The following GRIK2 variants were observed in gnomAD, a reference collection of about 807,000 sequenced individuals.
GRIK2 encodes the protein glutamate receptor ionotropic, kainate 2.
Under a neutral mutation model 100.3 loss-of-function variants are expected in GRIK2, and 32 were observed. That is an observed-to-expected ratio of 0.32 (90% confidence interval 0.24 to 0.43). GRIK2 has a LOEUF of 0.43. Ranked by LOEUF, GRIK2 falls within the 20% of genes least tolerant of loss-of-function variation. The pLI is 1.00. For missense variants in GRIK2, 843 were observed against 1,114.9 expected, an observed-to-expected ratio of 0.76 and a Z score of 3.47; for synonymous variants, 417 against 389.4, an observed-to-expected ratio of 1.07 and a Z score of -0.83.
At chr6:102,021,956 G>GA (rs35132794) in intron 14 of GRIK2, among the ~76,000 whole-genome samples, 50,231 of 140,498 alleles carry the variant, frequency 0.36, 8,773 homozygotes, top group African/African-American at 0.4. Context: ...GATACATTCG[G>GA]AAAAAAAAAA....
chr6:101,552,402 ATGGGACTCT>A (rs1776553158), intron 2 of GRIK2, among the ~76,000 whole-genome samples: 1 of 152,120 alleles, frequency 6.6e-6, no homozygotes, highest in African/African-American at 2.4e-5. Context: ...GTAGTATCTT[ATGGGACTCT>A]TGTGGCATAT....
chr6:101,833,397 AT>A (rs35157977), intron 10 of GRIK2, among the ~76,000 whole-genome samples: 16,540 of 151,114 alleles, frequency 0.11, 1,915 homozygotes, highest in East Asian at 0.65. Flanking sequence ...TGCCCGGCTA[AT>A]TTTTTTTTGT....
At chr6:101,899,269 T>C (rs935592371) in intron 12 of GRIK2, among the ~76,000 whole-genome samples, 1 of 151,842 alleles carries the variant, frequency 6.6e-6, no homozygotes, top group Admixed American at 6.6e-5. Context: ...GTATAGTTTT[T>C]CTAGTTAGCT....
intron 14 of GRIK2, among the ~76,000 whole-genome samples, chr6:101,931,091 G>T (rs951453845): frequency 1.1e-4 from 17 of 151,956 alleles, no homozygotes; most frequent in African/African-American, 4.1e-4. Context: ...ATTAAATGTT[G>T]ATATTTTTGG....
At chr6:101,718,684 A>G (rs1222956) in intron 7 of GRIK2, among the ~76,000 whole-genome samples, 22,057 of 151,832 alleles carry the variant, frequency 0.15, 2,774 homozygotes, top group African/African-American at 0.35. Context: ...TTTTTGTAAC[A>G]GGTGAGGGCC....
chr6:101,440,890 GTTTT>G (rs71547429), intron 2 of GRIK2, among the ~76,000 whole-genome samples: 7 of 139,748 alleles, frequency 5.0e-5, no homozygotes, highest in Admixed American at 5.0e-4. Context: ...ATGCTTTTTT[GTTTT>G]TTTTTTTTGT....
chr6:101,999,820 A>C (rs983046442), intron 14 of GRIK2, among the ~76,000 whole-genome samples: 3 of 152,078 alleles, frequency 2.0e-5, no homozygotes, highest in Non-Finnish European at 4.4e-5. Context: ...TAGGTAACTT[A>C]TATCGGGTTG....
At chr6:101,711,954 C>A (rs897699538) in intron 7 of GRIK2, among the ~76,000 whole-genome samples, 3 of 151,712 alleles carry the variant, frequency 2.0e-5, no homozygotes, top group African/African-American at 7.3e-5. Context: ...ATTCCTATAA[C>A]AATTGATTTA....
intron 14 of GRIK2, among the ~76,000 whole-genome samples, chr6:101,989,995 T>C (rs1203590007): frequency 6.6e-6 from 1 of 151,710 alleles, no homozygotes; most frequent in East Asian, 1.9e-4. Context: ...AATGTGAGAT[T>C]GGATCAAAGA....
At chr6:101,872,977 T>A (rs1457168955) in intron 11 of GRIK2, among the ~76,000 whole-genome samples, 1 of 151,912 alleles carries the variant, frequency 6.6e-6, no homozygotes, top group Non-Finnish European at 1.5e-5. Flanking sequence ...AGTGATACCA[T>A]AGTGAAGATT....
intron 14 of GRIK2, among the ~76,000 whole-genome samples, chr6:101,973,771 A>C (rs907083216): frequency 1.3e-5 from 2 of 151,906 alleles, no homozygotes; most frequent in African/African-American, 4.8e-5. Context: ...GAACCCTATT[A>C]CCTTCAGATA....
chr6:101,963,278 A>ATTTTTTTTTTTTT lies in GRIK2; in HGVS notation c.2085+34671_2085+34683dup, dbSNP rs3029099. Among the ~76,000 whole-genome samples, 10 of 27,844 alleles carry ATTTTTTTTTTTTT rather than the reference A, an allele frequency of 3.6e-4. 3 individuals are homozygous for ATTTTTTTTTTTTT. The highest frequency in any genetic ancestry group is 5.2e-4 in the Admixed American group (1 of 1,924). The allele number at this position is 27,844 out of a possible 152,430, so 18.3% of individuals were successfully genotyped here. ...TATTTCATATTTATACTTATTTAGG[A>ATTTTTTTTTTTTT]TTTTTTTTTTTTTTTTTTTTTTTTT... On this transcript the variant is annotated intron_variant, in intron 14 of 16. Coordinates refer to ENST00000369134, the MANE Select transcript of GRIK2 (RefSeq NM_021956.5).
intron 7 of GRIK2, among the ~76,000 whole-genome samples, chr6:101,761,319 T>C (rs989964257): frequency 6.6e-6 from 1 of 152,160 alleles, no homozygotes; most frequent in African/African-American, 2.4e-5. Context: ...AACACTTAAG[T>C]CTGTGTGACT....
chr6:101,465,843 T>C (rs1771616845), intron 2 of GRIK2, among the ~76,000 whole-genome samples: 2 of 152,224 alleles, frequency 1.3e-5, no homozygotes, highest in African/African-American at 2.4e-5. Flanking sequence ...GCAGCATTTC[T>C]GAGAAAGAAA....
intron 4 of GRIK2, among the ~76,000 whole-genome samples, chr6:101,647,150 A>G (rs1781564909): frequency 6.6e-6 from 1 of 152,028 alleles, no homozygotes; most frequent in South Asian, 2.1e-4. Flanking sequence ...AAAATGTTGA[A>G]TCTAATAGTC....
chr6:101,871,590 C>T (rs891245699), intron 11 of GRIK2, among the ~76,000 whole-genome samples: 3 of 151,704 alleles, frequency 2.0e-5, no homozygotes, highest in African/African-American at 7.3e-5. Context: ...CCATGTGTAC[C>T]CAATGTTTAG....
chr6:101,877,620 A>G (rs1785949202), intron 11 of GRIK2, among the ~76,000 whole-genome samples: 1 of 152,002 alleles, frequency 6.6e-6, no homozygotes, highest in African/African-American at 2.4e-5. Flanking sequence ...AATAGTTTTA[A>G]AAGAATAAAA....
At chr6:101,566,382 T>C (rs1054834349) in intron 2 of GRIK2, among the ~76,000 whole-genome samples, 2 of 152,078 alleles carry the variant, frequency 1.3e-5, no homozygotes, top group Non-Finnish European at 2.9e-5. Context: ...TGGAAAGATA[T>C]CACTACAGCT....
chr6:101,901,924 A>G (rs941791257), intron 12 of GRIK2, among the ~76,000 whole-genome samples: 3 of 152,124 alleles, frequency 2.0e-5, no homozygotes, highest in Non-Finnish European at 2.9e-5. Flanking sequence ...AATGTTAGGT[A>G]CAAAAATCCT....
Sources: allele counts gnomAD v4.1 joint callset (sites outside exome capture counted in the v4.1 genomes callset), GRCh38; gene constraint gnomAD v4.1.1; transcripts MANE v1.5; gene names NCBI Gene and HGNC (gene_info 2026-07-23, HGNC 2026-07-21).